The following DLC1 variants were observed in gnomAD, a reference collection of about 807,000 sequenced individuals.
DLC1 encodes DLC1 Rho GTPase activating protein.
Under a neutral mutation model 140.3 loss-of-function variants are expected in DLC1, and 54 were observed. That is an observed-to-expected ratio of 0.38 (90% CI 0.31 to 0.48). The LOEUF (loss-of-function observed/expected upper bound fraction) is 0.48. Among genes scored for constraint, DLC1 ranks in the 20% least tolerant of loss-of-function variants. DLC1 has a pLI of 0.96. For synonymous variants in DLC1, 986 were observed against 728.1 expected (o/e 1.35, Z -5.70); for missense variants, 2,536 against 1,907.0 (o/e 1.33, Z -6.14).
chr8:13,273,766 G>A (rs1209774678), intron 5 of DLC1, among the ~76,000 whole-genome samples: 1 of 150,640 alleles, frequency 6.6e-6, no homozygotes, highest in Non-Finnish European at 1.5e-5. Context: ...CAGGGAGGGA[G>A]GGAGCAAGAG....
rs1367208079 is a variant in DLC1 at position 13,305,294 on chromosome 8, T to C, written c.1323A>G (p.Gln441=). The change falls in exon 5 of 18, where the codon CAA becomes CAG. Residue 441 remains glutamine, a synonymous_variant. Coordinates refer to ENST00000276297, the MANE Select transcript of DLC1 (RefSeq NM_182643.3). The stretch of plus-strand genomic sequence containing the variant: ...CAGCCTTTTCCTTCTCTGAAATACC[T>C]TGAATAGCCTGAAAAAAAAGACACA... ...SGTKPKTTAI[Q]GISEKEKAEI... is the part of the protein sequence containing the mutation. 1 of 1,601,508 alleles carries C rather than the reference T, an allele frequency of 6.2e-7. No homozygotes were observed. The highest frequency in any genetic ancestry group is 1.7e-5 in the Admixed American group (1 of 58,112).
At chr8:13,448,093 A>G (rs73208012) in intron 2 of DLC1, among the ~76,000 whole-genome samples, 2,897 of 152,308 alleles carry the variant, frequency 0.019, 40 homozygotes, top group Non-Finnish European at 0.03. Flanking sequence ...TGAGTGTACT[A>G]TAACTCATCT....
intron 5 of DLC1, among the ~76,000 whole-genome samples, chr8:13,121,964 G>A (rs1262977691): frequency 6.6e-6 from 1 of 152,154 alleles, no homozygotes; most frequent in Non-Finnish European, 1.5e-5. Flanking sequence ...TTTAAAGGCA[G>A]CCAGGATTGA....
chr8:13,354,744 A>G (rs1425018426), intron 4 of DLC1, among the ~76,000 whole-genome samples: 1 of 151,418 alleles, frequency 6.6e-6, no homozygotes, highest in African/African-American at 2.4e-5. Context: ...CAGGAGTTCA[A>G]GACCAGCCTG....
chr8:13,533,786 G>T (rs1261386027), intron 1 of DLC1, among the ~76,000 whole-genome samples: 1 of 152,186 alleles, frequency 6.6e-6, no homozygotes, highest in Non-Finnish European at 1.5e-5. Flanking sequence ...TGATTGGATA[G>T]TGGGGTTCTC....
At chr8:13,126,317 G>A (rs1324108839) in intron 5 of DLC1, among the ~76,000 whole-genome samples, 2 of 151,710 alleles carry the variant, frequency 1.3e-5, no homozygotes, top group Admixed American at 1.3e-4. Flanking sequence ...TCAACCTGGG[G>A]CAGGATAAAA....
At chr8:13,397,371 A>G (rs1837096266) in intron 3 of DLC1, among the ~76,000 whole-genome samples, 1 of 152,150 alleles carries the variant, frequency 6.6e-6, no homozygotes, top group African/African-American at 2.4e-5. Flanking sequence ...GAAGAATAGA[A>G]GGAAAAATGG....
At chr8:13,298,113 G>C (rs1586090679) in intron 5 of DLC1, among the ~76,000 whole-genome samples, 1 of 152,098 alleles carries the variant, frequency 6.6e-6, no homozygotes, top group Admixed American at 6.5e-5. Flanking sequence ...CCGTGACTCT[G>C]GTATATGCTT....
intron 5 of DLC1, among the ~76,000 whole-genome samples, chr8:13,303,529 C>A (rs1327918431): frequency 6.6e-6 from 1 of 152,082 alleles, no homozygotes; most frequent in African/African-American, 2.4e-5. Context: ...ATTTTCATGC[C>A]AGGTGCTCAC....
intron 5 of DLC1, among the ~76,000 whole-genome samples, chr8:13,144,995 T>C (rs1823309681): frequency 6.6e-6 from 1 of 152,190 alleles, no homozygotes; most frequent in African/African-American, 2.4e-5. Flanking sequence ...AACGGCCACA[T>C]TCTCTGACCA....
chr8:13,443,303 T>G (rs1252411193), intron 2 of DLC1, among the ~76,000 whole-genome samples: 1 of 146,156 alleles, frequency 6.8e-6, no homozygotes, highest in African/African-American at 2.6e-5. Context: ...TGTATACATA[T>G]GTAACTAACC....
Position 13,175,533 on chromosome 8 carries a change from T to C in DLC1, c.1349-59876A>G, listed in dbSNP as rs140534793. Among the ~76,000 whole-genome samples the C allele has an allele frequency of 7.9e-3, 1,197 of 151,690 alleles. 17 individuals carry two copies. The highest frequency in any genetic ancestry group is 0.027 in the African/African-American group (1,122 of 41,102). On this transcript the variant is annotated intron_variant, in intron 5 of 17. Coordinates refer to ENST00000276297, the MANE Select transcript of DLC1 (RefSeq NM_182643.3). Reference sequence around the variant, plus strand: ...TGTCTGTGCTCTCATTTCTGTCTTGTTTTTTAAACACATATTTTAAAATTC... The same window carrying C: ...TGTCTGTGCTCTCATTTCTGTCTTGCTTTTTAAACACATATTTTAAAATTC...
At chr8:13,357,164 G>A (rs75373184) in intron 4 of DLC1, among the ~76,000 whole-genome samples, 8 of 152,072 alleles carry the variant, frequency 5.3e-5, no homozygotes, top group African/African-American at 1.4e-4. Flanking sequence ...TCAGCTACTC[G>A]TGAGGCCAAG....
chr8:13,512,609 T>C (rs1336125454), intron 1 of DLC1, among the ~76,000 whole-genome samples: 1 of 152,066 alleles, frequency 6.6e-6, no homozygotes, highest in East Asian at 1.9e-4. Flanking sequence ...CACATAGAAC[T>C]TGAAATAAGC....
intron 5 of DLC1, among the ~76,000 whole-genome samples, chr8:13,202,345 A>G (rs920421103): frequency 2.0e-5 from 3 of 152,210 alleles, no homozygotes; most frequent in Admixed American, 1.3e-4. Context: ...GTTTTGATAC[A>G]TACGTACATT....
At chr8:13,295,019 G>T (rs1325876025) in intron 5 of DLC1, among the ~76,000 whole-genome samples, 2 of 152,168 alleles carry the variant, frequency 1.3e-5, no homozygotes, top group Admixed American at 1.3e-4. Flanking sequence ...CGAAACATCT[G>T]TTAAGAGGCT....
At chr8:13,120,356 A>AAAAAAAAAAAAAAAAATATATATATATAT in intron 5 of DLC1, among the ~76,000 whole-genome samples, 4 of 61,120 alleles carry the variant, frequency 6.5e-5, no homozygotes, top group Non-Finnish European at 1.1e-4. Context: ...AAAAAAAAAA[A>AAAAAAAAAAAAAAAAATATATATATATAT]ATATATATAT....
chr8:13,097,726 A>C (rs2128934840), intron 10 of DLC1, among the ~76,000 whole-genome samples: 1 of 152,244 alleles, frequency 6.6e-6, no homozygotes. Context: ...GATTATTCTT[A>C]ATATTGGGAA....
At position 13,567,448 on chromosome 8, in the gene DLC1, G is replaced by T. The variant is rs1247839118; in HGVS notation, c.-126+37089C>A. The stretch of plus-strand genomic sequence containing the variant: ...CAGCAGACATAAAAAGCTGCATCTT[G>T]GATTGGATGTAGAGGCTTCAGAGAG... On this transcript the variant is annotated intron_variant, in intron 1 of 1. Coordinates refer to the DLC1 transcript ENST00000631382. 3.2e-6 allele frequency: 5 copies of T among 1,552,030 alleles called. No homozygotes were observed. In the South Asian group the frequency reaches 5.9e-5, roughly 18 times the overall value.
Sources: gnomAD v4.1 joint callset for allele counts (sites outside exome capture counted in the v4.1 genomes callset) on GRCh38, gnomAD v4.1.1 for gene constraint, MANE v1.5 for transcripts, NCBI Gene and HGNC (gene_info 2026-07-23, HGNC 2026-07-21) for gene names.